The following ABCB11 variants were observed in gnomAD, a reference collection of about 807,000 sequenced individuals.
ABCB11 encodes the protein ATP binding cassette subfamily B member 11.
In ABCB11, 95 loss-of-function variants were observed where a neutral mutation model predicts 148.0. That is an observed-to-expected ratio of 0.64 (90% CI 0.54 to 0.76). The LOEUF (loss-of-function observed/expected upper bound fraction) is 0.76, where lower values mean the gene tolerates loss of function less well. Ranked by LOEUF, ABCB11 falls within the 30% of genes least tolerant of loss-of-function variation. ABCB11 has a pLI of 0.00. For synonymous variants in ABCB11, 591 were observed against 555.4 expected (o/e 1.06, Z -0.90); for missense variants, 1,523 against 1,617.8 (o/e 0.94, Z 1.01).
At chr2:168,948,398 A>T (rs73018710) in intron 19 of ABCB11, among the ~76,000 whole-genome samples, 1,711 of 151,820 alleles carry the variant, frequency 0.011, 42 homozygotes, top group African/African-American at 0.039. Context: ...TGCAAGCAAC[A>T]CACAAACACA....
At chr2:168,988,488 A>G (rs1173250457) in intron 9 of ABCB11, among the ~76,000 whole-genome samples, 1 of 152,088 alleles carries the variant, frequency 6.6e-6, no homozygotes, top group Non-Finnish European at 1.5e-5. Context: ...GTAAATTTAC[A>G]CACACATTTT....
intron 8 of ABCB11, among the ~76,000 whole-genome samples, chr2:168,991,646 A>G (rs1225194564): frequency 6.6e-6 from 1 of 152,070 alleles, no homozygotes; most frequent in Non-Finnish European, 1.5e-5. Flanking sequence ...TACCCAGATT[A>G]AGGGAGTTTA....
chr2:168,964,161 G>T, intron 18 of ABCB11, 45 bp downstream of exon 18: 1 of 1,426,340 alleles, frequency 7.0e-7, no homozygotes, highest in Non-Finnish European at 9.7e-7. Context: ...ACAGTCCCCA[G>T]GAGAGACTTC....
chr2:168,983,252 G>A (rs1694195417), intron 10 of ABCB11, among the ~76,000 whole-genome samples: 1 of 152,122 alleles, frequency 6.6e-6, no homozygotes, highest in African/African-American at 2.4e-5. Context: ...CTCAATGCTT[G>A]TCTTCTTGCA....
intron 19 of ABCB11, among the ~76,000 whole-genome samples, chr2:168,953,616 T>C (rs1235019552): frequency 6.6e-6 from 1 of 151,232 alleles, no homozygotes; most frequent in Non-Finnish European, 1.5e-5. Flanking sequence ...ATAGTCAGCA[T>C]TTAGTTGGAT....
rs78312974 is a variant in ABCB11, at chr2:168,956,487, T to A, written c.2343+1477A>T. 9.4e-3 allele frequency among the ~76,000 whole-genome samples: 1,426 copies of A among 151,786 alleles called. 23 individuals are homozygous for A. Among genetic ancestry groups the A allele is most frequent in the African/African-American group, 0.032 (1,335 of 41,478 alleles). On this transcript the variant is annotated intron_variant, in intron 19 of 27. Transcript: ENST00000650372. Reference sequence around the variant, plus strand: ...AATTTGCTTTTGTAGGGGAGATTTTTAAAAAATACTTTGGCTTTGATTTTG... The same window carrying A: ...AATTTGCTTTTGTAGGGGAGATTTTAAAAAAATACTTTGGCTTTGATTTTG...
rs1211491329 is a variant in ABCB11, at chr2:168,922,602, T to A, written c.*1020A>T. Reference sequence around the variant, plus strand: ...GTTTTCTCTCATCTTGTAACTCTATTATCAATTGTCCATTTGCTTTCTGGC... The same window carrying A: ...GTTTTCTCTCATCTTGTAACTCTATAATCAATTGTCCATTTGCTTTCTGGC... On this transcript the variant is annotated 3_prime_UTR_variant, in exon 28 of 28. Transcript: ENST00000650372. Among the ~76,000 whole-genome samples, 1 of 152,224 alleles carries A rather than the reference T, an allele frequency of 6.6e-6. No individual in the cohort carries two copies. The highest frequency in any genetic ancestry group is 1.5e-5 in the Non-Finnish European group (1 of 68,038).
intron 5 of ABCB11, among the ~76,000 whole-genome samples, chr2:168,997,179 G>C (rs1003451917): frequency 1.3e-5 from 2 of 152,050 alleles, no homozygotes; most frequent in African/African-American, 4.8e-5. Context: ...ATAGAACGAT[G>C]TGTGCTGTAA....
chr2:168,950,136 TATATACAC>T (rs1559195815), intron 19 of ABCB11, among the ~76,000 whole-genome samples: 3 of 99,204 alleles, frequency 3.0e-5, no homozygotes, highest in South Asian at 4.2e-4. Context: ...CCCATATATA[TATATACAC>T]ACACACACAC....
intron 1 of ABCB11, among the ~76,000 whole-genome samples, chr2:169,025,847 G>A (rs1167171674): frequency 6.6e-6 from 1 of 152,224 alleles, no homozygotes; most frequent in Non-Finnish European, 1.5e-5. Flanking sequence ...TGCACCAAGG[G>A]TGAACACACT....
intron 9 of ABCB11, among the ~76,000 whole-genome samples, chr2:168,987,614 A>G (rs75973215): frequency 0.039 from 5,915 of 152,120 alleles, 390 homozygotes; most frequent in African/African-American, 0.13. Context: ...ATTTTTTTGT[A>G]GAGATGAGGT....
At chr2:168,928,304 A>C (rs1425895098) in intron 25 of ABCB11, among the ~76,000 whole-genome samples, 1 of 152,174 alleles carries the variant, frequency 6.6e-6, no homozygotes, top group East Asian at 1.9e-4. Flanking sequence ...CATTCTTCTA[A>C]ATGTGCTACA....
intron 4 of ABCB11, 29 bp from the exon 5 acceptor site, chr2:169,013,539 C>A (rs373367057): frequency 7.6e-6 from 12 of 1,583,104 alleles, no homozygotes; most frequent in Middle Eastern, 3.3e-4. Flanking sequence ...CAGAGATCAT[C>A]TATGGGTGAA....
chr2:169,013,251 T>A, intron 5 of ABCB11, 21 bp downstream of exon 5: 1 of 1,567,360 alleles, frequency 6.4e-7, no homozygotes, highest in Non-Finnish European at 8.7e-7. Flanking sequence ...AAGTAAAAAA[T>A]TAAAAACAAA....
chr2:168,932,268 C>T, intron 24 of ABCB11, 109 bp downstream of exon 24: 2 of 938,806 alleles, frequency 2.1e-6, no homozygotes, highest in Non-Finnish European at 3.2e-6. Flanking sequence ...GTTTGGTTTT[C>T]TGTTCTTGTG....
chr2:169,027,870 A>C (rs1198666676), intron 1 of ABCB11, among the ~76,000 whole-genome samples: 1 of 152,138 alleles, frequency 6.6e-6, no homozygotes, highest in Non-Finnish European at 1.5e-5. Flanking sequence ...TGGGATCAAT[A>C]CTAGCAATTG....
At chr2:169,013,708 A>G (rs1002963790) in intron 4 of ABCB11, among the ~76,000 whole-genome samples, 198 bp from the exon 5 acceptor site, 2 of 152,194 alleles carry the variant, frequency 1.3e-5, no homozygotes, top group African/African-American at 2.4e-5. Flanking sequence ...CTAAAACATT[A>G]GACTCTTACA....
intron 19 of ABCB11, among the ~76,000 whole-genome samples, chr2:168,954,124 G>A (rs1692683481): frequency 6.6e-6 from 1 of 151,486 alleles, no homozygotes; most frequent in Non-Finnish European, 1.5e-5. Flanking sequence ...TCAGATTTTT[G>A]GGAGTCACAC....
intron 21 of ABCB11, among the ~76,000 whole-genome samples, chr2:168,943,763 A>ATGTG (rs1553549605): frequency 0.016 from 2,465 of 151,494 alleles, 59 homozygotes; most frequent in African/African-American, 0.056. Flanking sequence ...AGGAGTTGAG[A>ATGTG]CTACAGTACA....
Sources: gnomAD v4.1 joint callset for allele counts (sites outside exome capture counted in the v4.1 genomes callset) on GRCh38, gnomAD v4.1.1 for gene constraint, MANE v1.5 for transcripts, NCBI Gene and HGNC (gene_info 2026-07-23, HGNC 2026-07-21) for gene names.